The following DGKD variants were observed in gnomAD, a reference collection of about 807,000 sequenced individuals.
DGKD encodes DAG kinase delta.
A neutral mutation model predicts 154.4 loss-of-function variants in DGKD; 68 were observed. The observed-to-expected ratio is 0.44, with a 90% CI of 0.36 to 0.54. The LOEUF (loss-of-function observed/expected upper bound fraction) is 0.54. Among genes scored for constraint, DGKD ranks in the 20% least tolerant of loss-of-function variants. The pLI is 0.00. For synonymous variants in DGKD, 693 were observed against 638.0 expected (o/e 1.09, Z -1.30); for missense variants, 1,343 against 1,593.6 (o/e 0.84, Z 2.68).
chr2:233,390,387 G>A lies in DGKD; in HGVS notation c.268-16G>A. ...TGTCTTTATGTGCCTTAGTCCCTGT[G>A]TTTGTCTCTTTCTAGTCAATCATAT... On this transcript the variant is annotated splice_polypyrimidine_tract_variant and intron_variant, in intron 2 of 29. Coordinates refer to ENST00000264057, the MANE Select transcript of DGKD (RefSeq NM_152879.3). 1.2e-6 allele frequency: 2 copies of A among 1,611,774 alleles called. No homozygotes were observed. The highest frequency in any genetic ancestry group is 1.7e-4 in the Middle Eastern group (1 of 6,056).
rs1405298899 is a variant in DGKD at position 233,459,275 on chromosome 2, A to G, written c.2695-482A>G. On this transcript the variant is annotated intron_variant, in intron 22 of 29. Transcript: ENST00000264057. This position sits in a 1 kb window ranked among gnomAD's most constrained non-coding sequence, Gnocchi z 5.7. ...ACCCTGCGACTGTCTGGTGTCTTCC[A>G]GCACTCTGTCTACCCTTAGCTGTAG... Among the ~76,000 whole-genome samples, 1 of 152,162 alleles carries G rather than the reference A, an allele frequency of 6.6e-6. No homozygotes were observed. Among genetic ancestry groups the G allele is most frequent in the Non-Finnish European group, 1.5e-5 (1 of 68,032 alleles).
intron 1 of DGKD, among the ~76,000 whole-genome samples, chr2:233,378,514 T>A (rs1702712756): frequency 6.6e-6 from 1 of 152,072 alleles, no homozygotes; most frequent in Non-Finnish European, 1.5e-5. Flanking sequence ...CCTCCCGAAG[T>A]TCTGGGATTA....
rs1453434947 is a variant in DGKD at position 233,441,488 on chromosome 2, G to GTGGATGGGGCAGGGACAGTGACGC, written c.1086-398_1086-375dup. Among the ~76,000 whole-genome samples, 1 of 152,232 alleles carries GTGGATGGGGCAGGGACAGTGACGC rather than the reference G, an allele frequency of 6.6e-6. No individual in the cohort carries two copies. Among genetic ancestry groups the GTGGATGGGGCAGGGACAGTGACGC allele is most frequent in the Non-Finnish European group, 1.5e-5 (1 of 68,038 alleles). On this transcript the variant is annotated intron_variant, in intron 9 of 29. Transcript: ENST00000264057. This position sits in a 1 kb window ranked among gnomAD's most constrained non-coding sequence, Gnocchi z 5.6. ...CTGGGAAGGCTGGCAGGGGCCACAT[G>GTGGATGGGGCAGGGACAGTGACGC]TGGATGGGGCAGGGACAGTGACGCA...
chr2:233,360,496 G>A (rs1431717645), intron 1 of DGKD, among the ~76,000 whole-genome samples: 8 of 152,040 alleles, frequency 5.3e-5, no homozygotes, highest in African/African-American at 1.5e-4. Context: ...GGGCTCAAGC[G>A]ATCCTCCCCC....
chr2:233,398,689 A>G (rs151085387), intron 3 of DGKD, among the ~76,000 whole-genome samples: 2,333 of 152,246 alleles, frequency 0.015, 59 homozygotes, highest in African/African-American at 0.053. Flanking sequence ...CAGTGATGCG[A>G]TCTCAGCTCA....
At chr2:233,429,206 G>A (rs1346665697) in intron 3 of DGKD, 2 of 985,230 alleles carry the variant, frequency 2.0e-6, no homozygotes, top group Non-Finnish European at 2.4e-6. Flanking sequence ...GCTGCCGTGG[G>A]AGTAGTAGAC....
intron 3 of DGKD, among the ~76,000 whole-genome samples, chr2:233,420,011 G>T (rs1015829988): frequency 6.6e-6 from 1 of 152,178 alleles, no homozygotes; most frequent in African/African-American, 2.4e-5. Context: ...AGCTATTTGG[G>T]ATTCAGGAAT....
chr2:233,461,595 A>C (rs930138518), intron 24 of DGKD, among the ~76,000 whole-genome samples: 2 of 152,208 alleles, frequency 1.3e-5, no homozygotes, highest in Admixed American at 1.3e-4. Context: ...AGTTCAGCTA[A>C]TTCCTTGCCG....
Position 233,468,524 on chromosome 2 carries a change from C to T in DGKD, c.3526C>T (p.Leu1176Phe), listed in dbSNP as rs1324555580. The T allele has an allele frequency of 1.9e-6, 3 of 1,613,750 alleles. No homozygotes were observed. Among genetic ancestry groups the T allele is most frequent in the Non-Finnish European group, 2.5e-6 (3 of 1,180,000 alleles). ...ACGGCACGACATCCGGGGCTCTGAG[C>T]TCCTGCACCTGGAGCGGAGGGACCT... ...FTRHDIRGSE[L>F]LHLERRDLKD... Residue 1176 changes from leucine to phenylalanine, a missense_variant, in exon 29 of 30, where the codon CTC (leucine) becomes TTC (phenylalanine). This residue lies in a region of DGKD where 429 missense variants were observed against 496.3 expected (regional missense o/e 0.86). Transcript: ENST00000264057.
At chr2:233,386,370 G>A (rs1559490008) in intron 1 of DGKD, among the ~76,000 whole-genome samples, 1 of 152,288 alleles carries the variant, frequency 6.6e-6, no homozygotes, top group East Asian at 1.9e-4. Context: ...TGTGTACTTG[G>A]ATGTGAAAAG....
At chr2:233,357,159 C>T (rs72978363) in intron 1 of DGKD, among the ~76,000 whole-genome samples, 16,062 of 152,208 alleles carry the variant, frequency 0.11, 960 homozygotes, top group African/African-American at 0.15. Context: ...AGGGGTCCAT[C>T]TGGCAGTGGC....
chr2:233,430,494 A>G (rs550735431), intron 3 of DGKD, among the ~76,000 whole-genome samples: 1 of 152,346 alleles, frequency 6.6e-6, no homozygotes, highest in South Asian at 2.1e-4. Flanking sequence ...TGTTGACAAA[A>G]GGGACAATGT....
At chr2:233,423,346 G>A (rs1288947300) in intron 3 of DGKD, among the ~76,000 whole-genome samples, 6 of 152,126 alleles carry the variant, frequency 3.9e-5, no homozygotes. Context: ...GTTTTGCAGA[G>A]TGGCCGTAAT....
chr2:233,460,087 C>G, intron 23 of DGKD, 107 bp from the exon 24 acceptor site: 3 of 1,498,934 alleles, frequency 2.0e-6, no homozygotes, highest in Non-Finnish European at 2.7e-6. Context: ...AAAAAAAGTC[C>G]TATTTGTCTC....
rs535665380 is a variant in DGKD at position 233,427,382 on chromosome 2, C to T, written c.349-6998C>T. Among the ~76,000 whole-genome samples, 395 of 149,900 alleles carry T rather than the reference C, an allele frequency of 2.6e-3. 3 individuals carry two copies. Among genetic ancestry groups the T allele is most frequent in the African/African-American group, 8.9e-3 (361 of 40,636 alleles). On this transcript the variant is annotated intron_variant, in intron 3 of 29. Transcript: ENST00000264057. Reference sequence around the variant, plus strand: ...TTGAGACAGGGTCTCACTCTGTCACCCAGGCTGGAGTGCAGTGGTGCAATC... The same window carrying T: ...TTGAGACAGGGTCTCACTCTGTCACTCAGGCTGGAGTGCAGTGGTGCAATC...
intron 10 of DGKD, among the ~76,000 whole-genome samples, chr2:233,443,855 C>A (rs1004688815): frequency 6.6e-6 from 1 of 152,226 alleles, no homozygotes; most frequent in Admixed American, 6.5e-5. Flanking sequence ...AAGGTCAGCA[C>A]ACATTTCTCT....
chr2:233,379,226 G>C (rs1270739800), intron 1 of DGKD, among the ~76,000 whole-genome samples: 2 of 152,130 alleles, frequency 1.3e-5, no homozygotes, highest in Admixed American at 1.3e-4. Flanking sequence ...AAGACTTCCC[G>C]AAGGTGGTGG....
chr2:233,390,601 A>G (rs1703535353), intron 3 of DGKD, 118 bp downstream of exon 3: 1 of 710,798 alleles, frequency 1.4e-6, no homozygotes, highest in Non-Finnish European at 2.3e-6. Flanking sequence ...GATTGGAATG[A>G]TTGCTGGTAA....
rs1030821718 is a variant in DGKD, at chr2:233,393,753, G to T, written c.348+3270G>T. Among the ~76,000 whole-genome samples, 6 of 147,660 alleles carry T rather than the reference G, an allele frequency of 4.1e-5. No individual in the cohort carries two copies. The South Asian group carries it at 1.3e-3, about 32-fold the overall frequency. On this transcript the variant is annotated intron_variant, in intron 3 of 29. Transcript: ENST00000264057. ...GGGGGGAGTGTAGTGGTGTGGTCTCGGCTCTCTGCAGCCTCCGCCTCCTGG... is the reference window on the plus strand; with the variant it reads ...GGGGGGAGTGTAGTGGTGTGGTCTCTGCTCTCTGCAGCCTCCGCCTCCTGG...
Sources: allele counts gnomAD v4.1 joint callset (sites outside exome capture counted in the v4.1 genomes callset), GRCh38; gene constraint gnomAD v4.1.1; regional missense constraint gnomAD v4.1.1; non-coding constraint Gnocchi (gnomAD v3.1); transcripts MANE v1.5; gene names NCBI Gene and HGNC (gene_info 2026-07-23, HGNC 2026-07-21).